The following MTHFD1L variants were observed in gnomAD, a reference collection of about 807,000 sequenced individuals.
The protein encoded by MTHFD1L is methylenetetrahydrofolate dehydrogenase (NADP+ dependent) 1 like.
MTHFD1L carries 81 observed loss-of-function variants against 119.5 expected under a neutral mutation model. The ratio of observed to expected loss-of-function variants is 0.68; its 90% CI spans 0.57 to 0.82. MTHFD1L has a LOEUF of 0.82. Ranked by LOEUF, MTHFD1L falls within the 40% of genes least tolerant of loss-of-function variation. MTHFD1L has a pLI of 0.00. For synonymous variants in MTHFD1L, 430 were observed against 475.2 expected (o/e 0.90, Z 1.24); for missense variants, 1,125 against 1,253.4 (o/e 0.90, Z 1.55).
At chr6:150,908,521 G>T (rs894754065) in intron 8 of MTHFD1L, among the ~76,000 whole-genome samples, 1 of 151,760 alleles carries the variant, frequency 6.6e-6, no homozygotes, top group African/African-American at 2.4e-5. Context: ...CAGCTACTCG[G>T]GAAGCTGAGG....
chr6:151,061,643 A>G (rs1790651201), intron 26 of MTHFD1L, among the ~76,000 whole-genome samples: 1 of 152,198 alleles, frequency 6.6e-6, no homozygotes, highest in Admixed American at 6.5e-5. Flanking sequence ...TGTCCACTGC[A>G]CAGTTCCGTA....
intron 8 of MTHFD1L, among the ~76,000 whole-genome samples, chr6:150,909,093 C>A (rs183537446): frequency 6.6e-6 from 1 of 152,074 alleles, no homozygotes; most frequent in Non-Finnish European, 1.5e-5. Context: ...TTATGGAATA[C>A]GTAATCCTAG....
intron 26 of MTHFD1L, among the ~76,000 whole-genome samples, chr6:151,050,428 C>G (rs1434258068): frequency 3.9e-5 from 6 of 152,222 alleles, no homozygotes; most frequent in Non-Finnish European, 1.5e-5. Flanking sequence ...TCCCAAAGTG[C>G]TGGGATTACA....
chr6:150,940,883 A>G (rs1792982026), intron 13 of MTHFD1L, among the ~76,000 whole-genome samples: 1 of 152,040 alleles, frequency 6.6e-6, no homozygotes, highest in Admixed American at 6.6e-5. Context: ...CCCAGCCAAG[A>G]AGACTACCTT....
At chr6:150,891,135 G>A (rs566138799) in intron 7 of MTHFD1L, among the ~76,000 whole-genome samples, 17 of 152,144 alleles carry the variant, frequency 1.1e-4, no homozygotes, top group East Asian at 9.7e-4. Flanking sequence ...ACAGGTGTGC[G>A]CCACCATGCC....
At chr6:151,057,226 A>T in intron 26 of MTHFD1L, 2 of 985,034 alleles carry the variant, frequency 2.0e-6, no homozygotes, top group African/African-American at 3.5e-5. Context: ...TAATTTTTAA[A>T]TTTCATTCTA....
At chr6:150,943,724 T>G (rs1793519414) in intron 13 of MTHFD1L, among the ~76,000 whole-genome samples, 1 of 152,152 alleles carries the variant, frequency 6.6e-6, no homozygotes, top group South Asian at 2.1e-4. Context: ...AAAAGTTTTG[T>G]GAAAAACGAA....
intron 15 of MTHFD1L, among the ~76,000 whole-genome samples, chr6:150,947,222 G>A (rs1372788202): frequency 6.6e-6 from 1 of 151,072 alleles, no homozygotes; most frequent in Non-Finnish European, 1.5e-5. Flanking sequence ...GGCCTTCTGA[G>A]TAGCTGGGAT....
chr6:150,992,059 T>A (rs770114732), intron 20 of MTHFD1L, among the ~76,000 whole-genome samples: 6 of 152,196 alleles, frequency 3.9e-5, no homozygotes, highest in African/African-American at 1.4e-4. Flanking sequence ...GCCAGGACTG[T>A]ACTTTAAGAT....
intron 24 of MTHFD1L, 37 bp downstream of exon 24, chr6:151,015,730 C>A: frequency 6.2e-7 from 1 of 1,600,914 alleles, no homozygotes; most frequent in Non-Finnish European, 8.5e-7. Context: ...ACATTTCTTA[C>A]ACCTTAGCAT....
chr6:151,015,483 C>G, intron 23 of MTHFD1L, 33 bp from the exon 24 acceptor site: 1 of 1,581,874 alleles, frequency 6.3e-7, no homozygotes, highest in Middle Eastern at 1.7e-4. Flanking sequence ...TAAATGGATA[C>G]AGATGCAAAA....
chr6:150,875,653 A>AC (rs1339339380), intron 1 of MTHFD1L, among the ~76,000 whole-genome samples: 1 of 149,024 alleles, frequency 6.7e-6, no homozygotes, highest in Non-Finnish European at 1.5e-5. Context: ...CCCTGTCTTC[A>AC]CCCCCCTAAT....
chr6:151,046,056 A>AGAATG, intron 26 of MTHFD1L, among the ~76,000 whole-genome samples: 1 of 152,290 alleles, frequency 6.6e-6, no homozygotes, highest in Middle Eastern at 3.4e-3. Flanking sequence ...TCTGGTACAT[A>AGAATG]AGGTTATCTA....
chr6:151,074,461 A>T (rs1016945680), intron 26 of MTHFD1L, among the ~76,000 whole-genome samples: 1 of 152,238 alleles, frequency 6.6e-6, no homozygotes, highest in Non-Finnish European at 1.5e-5. Context: ...ACAATAACAC[A>T]AAGTCTAAGA....
At chr6:150,953,897 A>C (rs1795211795) in intron 16 of MTHFD1L, among the ~76,000 whole-genome samples, 1 of 152,200 alleles carries the variant, frequency 6.6e-6, no homozygotes, top group African/African-American at 2.4e-5. Flanking sequence ...TGGGAAGAAC[A>C]GTGGTGGCTG....
At chr6:151,080,003 C>T (rs943630234) in intron 26 of MTHFD1L, among the ~76,000 whole-genome samples, 13 of 150,866 alleles carry the variant, frequency 8.6e-5, no homozygotes, top group South Asian at 8.5e-4. Flanking sequence ...GGTGAAACCC[C>T]GTCTCTACTT....
At chr6:150,918,216 C>T (rs1788308933) in intron 8 of MTHFD1L, among the ~76,000 whole-genome samples, 1 of 152,102 alleles carries the variant, frequency 6.6e-6, no homozygotes, top group Non-Finnish European at 1.5e-5. Flanking sequence ...CGGGTACACG[C>T]CACCATGTCC....
At chr6:150,874,581 G>A (rs1413782796) in intron 1 of MTHFD1L, among the ~76,000 whole-genome samples, 1 of 152,240 alleles carries the variant, frequency 6.6e-6, no homozygotes, top group East Asian at 1.9e-4. Context: ...AAAACAAAAT[G>A]TAAAGGTGGT....
intron 7 of MTHFD1L, among the ~76,000 whole-genome samples, chr6:150,890,831 A>G (rs1407355316): frequency 6.6e-6 from 1 of 152,236 alleles, no homozygotes; most frequent in Non-Finnish European, 1.5e-5. Flanking sequence ...ACAAGTATTT[A>G]AACAGTGATC....
Sources: allele counts gnomAD v4.1 joint callset (sites outside exome capture counted in the v4.1 genomes callset), GRCh38; gene constraint gnomAD v4.1.1; transcripts MANE v1.5; gene names NCBI Gene and HGNC (gene_info 2026-07-23, HGNC 2026-07-21).